The following LGSN variants were observed in gnomAD, a reference collection of about 807,000 sequenced individuals.
LGSN encodes the protein lengsin.
In LGSN, 21 loss-of-function variants were observed where a neutral mutation model predicts 19.5. The ratio of observed to expected loss-of-function variants is 1.07; its 90% CI spans 0.76 to 1.55. LGSN has a LOEUF of 1.55. Ranked by LOEUF, LGSN falls within the 40% of genes most tolerant of loss-of-function variation. The pLI, the probability that LGSN is intolerant of heterozygous loss-of-function variation, is 0.00. For missense variants in LGSN, 673 were observed against 608.5 expected, an observed-to-expected ratio of 1.11 and a Z score of -1.12; for synonymous variants, 257 against 215.6, an observed-to-expected ratio of 1.19 and a Z score of -1.68.
At chr6:63,483,241 T>A in the LGSN span, among the ~76,000 whole-genome samples, 1 of 152,206 alleles carries the variant, frequency 6.6e-6, no homozygotes, top group Non-Finnish European at 1.5e-5. Context: ...AAGGTCCAGA[T>A]TCTGTCTTCT....
At chr6:63,441,676 T>C in the LGSN span, 1 of 468,622 alleles carries the variant, frequency 2.1e-6, no homozygotes, top group South Asian at 1.7e-5. Flanking sequence ...AGGAGTATGA[T>C]GCCCTCAAAG....
At chr6:63,339,319 T>G in the LGSN span, among the ~76,000 whole-genome samples, 1 of 152,204 alleles carries the variant, frequency 6.6e-6, no homozygotes, top group Non-Finnish European at 1.5e-5. Context: ...CTCTCTTTAG[T>G]GCTAATAATC....
At chr6:63,312,707 A>G (rs908759934) in intron 1 of LGSN, among the ~76,000 whole-genome samples, 5 of 152,138 alleles carry the variant, frequency 3.3e-5, no homozygotes, top group African/African-American at 7.2e-5. Context: ...TATCTCTAAT[A>G]CCCACTTGGG....
chr6:63,526,833 A>ATATTTATT, the LGSN span, among the ~76,000 whole-genome samples: 8 of 128,034 alleles, frequency 6.2e-5, no homozygotes, highest in Non-Finnish European at 9.8e-5. Context: ...ATATATATAT[A>ATATTTATT]TATTTATTTA....
chr6:63,352,636 GTC>G, the LGSN span, among the ~76,000 whole-genome samples: 539 of 147,944 alleles, frequency 3.6e-3, 3 homozygotes, highest in African/African-American at 0.012. Context: ...ACTCCAGTCT[GTC>G]TCTCTCTCTC....
At chr6:63,426,191 A>G in the LGSN span, among the ~76,000 whole-genome samples, 1 of 152,178 alleles carries the variant, frequency 6.6e-6, no homozygotes, top group Non-Finnish European at 1.5e-5. Context: ...TGGTTGTTTC[A>G]CACTGTATTT....
At chr6:63,404,166 T>C in the LGSN span, among the ~76,000 whole-genome samples, 13,895 of 152,174 alleles carry the variant, frequency 0.091, 1,240 homozygotes, top group African/African-American at 0.23. Context: ...CCCAGACTCC[T>C]AGAAGATGCT....
At chr6:63,427,045 C>CTT in the LGSN span, among the ~76,000 whole-genome samples, 23 of 141,548 alleles carry the variant, frequency 1.6e-4, no homozygotes, top group African/African-American at 2.3e-4. Flanking sequence ...AGACCTTTCC[C>CTT]TTTTTTTTTT....
At chr6:63,359,692 T>G in the LGSN span, among the ~76,000 whole-genome samples, 11 of 152,192 alleles carry the variant, frequency 7.2e-5, no homozygotes, top group African/African-American at 2.7e-4. Flanking sequence ...CCCTCTATCA[T>G]TTTTTATTGC....
At chr6:63,356,007 C>T in the LGSN span, among the ~76,000 whole-genome samples, 1 of 151,986 alleles carries the variant, frequency 6.6e-6, no homozygotes, top group South Asian at 2.1e-4. Flanking sequence ...GGTGTTATTC[C>T]TGTATCTGTT....
At chr6:63,539,758 ACT>A in the LGSN span, among the ~76,000 whole-genome samples, 2 of 149,388 alleles carry the variant, frequency 1.3e-5, no homozygotes, top group Non-Finnish European at 3.0e-5. Flanking sequence ...ACAGAGTGAG[ACT>A]CTGTCTCAAA....
the LGSN span, among the ~76,000 whole-genome samples, chr6:63,449,288 G>A: frequency 3.9e-5 from 6 of 152,032 alleles, no homozygotes; most frequent in East Asian, 1.9e-4. Flanking sequence ...GGCTGGGCGC[G>A]GTGGCTCCTG....
chr6:63,390,702 A>G, the LGSN span, among the ~76,000 whole-genome samples: 3 of 150,608 alleles, frequency 2.0e-5, no homozygotes, highest in African/African-American at 7.3e-5. Context: ...TAAAAATACA[A>G]AAAAAAAGTA....
In LGSN at chr6:63,290,544, G is replaced by C. The variant is rs551787255; in HGVS notation, c.163+4369C>G. 3.5e-4 allele frequency among the ~76,000 whole-genome samples: 54 copies of C among 152,278 alleles called. No individual in the cohort carries two copies. In the South Asian group the frequency reaches 6.2e-3, roughly 18 times the overall value. ...AGAAAATTTTATGTAAAAATCTTGA[G>C]TTCAAATTTATTTTGAAACTAGATC... On this transcript the variant is annotated intron_variant, in intron 2 of 3. Transcript: ENST00000370657.
chr6:63,512,399 G>T, the LGSN span, among the ~76,000 whole-genome samples: 4 of 152,146 alleles, frequency 2.6e-5, no homozygotes, highest in African/African-American at 9.7e-5. Flanking sequence ...CTCATTCTTT[G>T]CGTGGTGGCT....
the LGSN span, among the ~76,000 whole-genome samples, chr6:63,484,452 A>G: frequency 6.6e-6 from 1 of 152,164 alleles, no homozygotes; most frequent in African/African-American, 2.4e-5. Flanking sequence ...TGAACCCAGG[A>G]GGTGGAGGTT....
At chr6:63,413,336 A>C in the LGSN span, among the ~76,000 whole-genome samples, 1 of 152,180 alleles carries the variant, frequency 6.6e-6, no homozygotes, top group Non-Finnish European at 1.5e-5. Context: ...CTTTTCCTAA[A>C]TTTATAAAAC....
chr6:63,422,251 A>G, the LGSN span, among the ~76,000 whole-genome samples: 2 of 152,108 alleles, frequency 1.3e-5, no homozygotes, highest in Non-Finnish European at 2.9e-5. Context: ...TTTAGTAGAG[A>G]CAGGGTTTCA....
At chr6:63,409,120 C>T in the LGSN span, among the ~76,000 whole-genome samples, 2 of 152,082 alleles carry the variant, frequency 1.3e-5, no homozygotes, top group African/African-American at 4.8e-5. Context: ...CTGTGTTAAC[C>T]ATGCTCATCT....
Sources: allele counts gnomAD v4.1 joint callset (sites outside exome capture counted in the v4.1 genomes callset), GRCh38; gene constraint gnomAD v4.1.1; transcripts MANE v1.5; gene names NCBI Gene and HGNC (gene_info 2026-07-23, HGNC 2026-07-21).